Variants in NEXMIF observed in about 807,000 individuals in gnomAD.
NEXMIF encodes XLMR protein related to neurite extension.
NEXMIF carries 8 observed loss-of-function variants against 62.1 expected under a neutral mutation model. The observed-to-expected ratio is 0.13, with a 90% CI of 0.08 to 0.23. The LOEUF is 0.23. NEXMIF is among the 10% of genes least tolerant of loss of function. The probability of loss-of-function intolerance (pLI) is 1.00; values close to 1 mark genes in which losing one functional copy is unlikely to be tolerated. For synonymous variants in NEXMIF, 404 were observed against 416.6 expected (o/e 0.97, Z 0.37); for missense variants, 976 against 1,113.3 (o/e 0.88, Z 1.75).
chrX:74,838,568 T>C (rs1469599096), intron 1 of NEXMIF, among the ~76,000 whole-genome samples: 1 of 112,634 alleles, frequency 8.9e-6, no homozygotes, highest in Admixed American at 9.4e-5. Flanking sequence ...GGCTTTTCCT[T>C]GAATGAGTGC....
At chrX:74,753,715 GCACACACACACA>G (rs199783383) in intron 1 of NEXMIF, among the ~76,000 whole-genome samples, 2 of 100,186 alleles carry the variant, frequency 2.0e-5, no homozygotes, top group African/African-American at 7.3e-5. Context: ...ACACACACAC[GCACACACACACA>G]CACACACACA....
intron 1 of NEXMIF, among the ~76,000 whole-genome samples, chrX:74,881,475 G>T (rs2080663532): frequency 9.1e-6 from 1 of 109,722 alleles, no homozygotes; most frequent in Admixed American, 9.7e-5. Flanking sequence ...AATTCTCTGA[G>T]ACCCAGGCTT....
At chrX:74,873,120 C>T (rs1000940766) in intron 1 of NEXMIF, among the ~76,000 whole-genome samples, 1 of 110,344 alleles carries the variant, frequency 9.1e-6, no homozygotes, top group South Asian at 3.9e-4. Flanking sequence ...AGGTATATCT[C>T]CCAATGCTAT....
chrX:74,810,944 T>C (rs1236634742), intron 1 of NEXMIF, among the ~76,000 whole-genome samples: 1 of 111,860 alleles, frequency 8.9e-6, no homozygotes, highest in East Asian at 2.8e-4. Flanking sequence ...ATAGCTACTA[T>C]TCACTGAGTA....
intron 3 of NEXMIF, 173 bp downstream of exon 3, chrX:74,739,926 TA>T: frequency 4.4e-6 from 2 of 452,491 alleles, no homozygotes; most frequent in Non-Finnish European, 7.5e-6. Flanking sequence ...CTTAAAGGTA[TA>T]GGGATTTTCA....
chrX:74,883,021 TA>T (rs1359867473), intron 1 of NEXMIF, among the ~76,000 whole-genome samples: 1 of 111,700 alleles, frequency 9.0e-6, no homozygotes, highest in Non-Finnish European at 1.9e-5. Context: ...CCACTGCTGA[TA>T]CCTAGGCAAA....
At chrX:74,858,261 G>C (rs1210984804) in intron 1 of NEXMIF, among the ~76,000 whole-genome samples, 3 of 112,317 alleles carry the variant, frequency 2.7e-5, no homozygotes, top group Non-Finnish European at 5.6e-5. Context: ...TCCCAGTGGT[G>C]GTGGCCACAG....
At position 74,797,824 on chromosome X, in the gene NEXMIF, T is replaced by C. The variant is rs757906506; in HGVS notation, c.-47-52127A>G. Among the ~76,000 whole-genome samples, 8 of 111,923 alleles carry C rather than the reference T, an allele frequency of 7.1e-5. No individual in the cohort carries two copies. In the East Asian group the frequency reaches 2.2e-3, roughly 31 times the overall value. ...ACCAGCTGCTTTACCAAGCTCAACG[T>C]AGAATGTTCCATGTGAATTCCAATC... On this transcript the variant is annotated intron_variant, in intron 1 of 3. Transcript: ENST00000055682.
intron 1 of NEXMIF, among the ~76,000 whole-genome samples, chrX:74,770,811 TA>T (rs1264051030): frequency 8.9e-6 from 1 of 112,298 alleles, no homozygotes; most frequent in Non-Finnish European, 1.9e-5. Flanking sequence ...GGTCTTGTGG[TA>T]GTTTCTCAGC....
At position 74,740,276 on chromosome X, in the gene NEXMIF, AAAG is replaced by A. The variant is rs2147438794; in HGVS notation, c.4278_4280del (p.Phe1427del). 1 of 1,211,136 alleles carries A rather than the reference AAAG, an allele frequency of 8.3e-7. No individual in the cohort carries two copies. The highest frequency in any genetic ancestry group is 2.2e-5 in the Admixed American group (1 of 45,928). On this transcript the variant is annotated inframe_deletion, in exon 3 of 4. Coordinates refer to ENST00000055682, the MANE Select transcript of NEXMIF (RefSeq NM_001008537.3). ...TGCTCATGTTACTATACTTTTTATC[AAAG>A]AAGGTAGAGCGAGAGTCCTCGTTAT...
chrX:74,851,377 G>T (rs1033343487), intron 1 of NEXMIF, among the ~76,000 whole-genome samples: 2 of 111,292 alleles, frequency 1.8e-5, no homozygotes, highest in African/African-American at 6.5e-5. Context: ...GAAGCTCAGA[G>T]ATCTCCAAAT....
Position 74,872,402 on chromosome X carries a change from G to A in NEXMIF, c.-48+52481C>T, listed in dbSNP as rs376780152. On this transcript the variant is annotated intron_variant, in intron 1 of 3. Transcript: ENST00000055682. ...ATAATTTAACACATAGGGATAGACA[G>A]CAGAAGGATGGTTATCAGAGGATGT... 6.0e-5 allele frequency among the ~76,000 whole-genome samples: 6 copies of A among 100,371 alleles called. No individual in the cohort carries two copies. The East Asian group carries it at 1.3e-3, about 22-fold the overall frequency. The allele number at this position is 100,371 out of a possible 115,157, so 87.2% of individuals were successfully genotyped here. A position where few individuals can be genotyped will look rare whatever the true frequency, so the allele number is the denominator to read the frequency against.
In NEXMIF at chrX:74,739,298, G is replaced by A; in HGVS notation, c.*107C>T. The stretch of plus-strand genomic sequence containing the variant: ...CTTTTACATAGAACATGAGATTAAA[G>A]TTTGCTCCAAAGACGTATTCCCACA... On this transcript the variant is annotated 3_prime_UTR_variant, in exon 4 of 4. Coordinates refer to ENST00000055682, the MANE Select transcript of NEXMIF (RefSeq NM_001008537.3). 1 of 506,177 alleles carries A rather than the reference G, an allele frequency of 2.0e-6. No individual in the cohort carries two copies. 41.7% of individuals were successfully genotyped at this position (506,177 alleles called of 1,213,427 possible).
At chrX:74,787,104 CAAAAAAAAAA>C in intron 1 of NEXMIF, among the ~76,000 whole-genome samples, 1 of 31,749 alleles carries the variant, frequency 3.1e-5, no homozygotes, top group South Asian at 1.6e-3. Flanking sequence ...ACCAAAAATA[CAAAAAAAAAA>C]AAAAAAAAAA....
chrX:74,743,490 T>C lies in NEXMIF; in HGVS notation c.1067A>G (p.Lys356Arg). The change falls in exon 3 of 4, where the codon AAG becomes AGG. Residue 356 changes from lysine to arginine, a missense_variant. Physicochemically the swap from Lys to Arg is conservative, Grantham distance 26. Around this residue, in one of 5 missense-constraint regions of NEXMIF, gnomAD observed 639 missense variants for 694.5 expected, o/e 0.92. Coordinates refer to ENST00000055682, the MANE Select transcript of NEXMIF (RefSeq NM_001008537.3). ...GAATTGGGAAAAATCACTGCTCTGCTTCAGGGCCCCACTCTTAGACTCTCG... is the reference window on the plus strand; with the variant it reads ...GAATTGGGAAAAATCACTGCTCTGCCTCAGGGCCCCACTCTTAGACTCTCG... ...PKRESKSGAL[K>R]QSSDFSQFKV... is the part of the protein sequence containing the mutation. The C allele has an allele frequency of 8.3e-7, 1 of 1,211,827 alleles. No individual in the cohort carries two copies. The highest frequency in any genetic ancestry group is 1.1e-6 in the Non-Finnish European group (1 of 895,553).
chrX:74,901,760 T>A (rs1260398631), intron 1 of NEXMIF, among the ~76,000 whole-genome samples: 1 of 111,385 alleles, frequency 9.0e-6, no homozygotes, highest in Non-Finnish European at 1.9e-5. Flanking sequence ...TAGTAGGCAC[T>A]CCCTAAGTAC....
In NEXMIF at chrX:74,738,810, A is replaced by C. The variant is rs773611787; in HGVS notation, c.*595T>G. The C allele has an allele frequency of 9.2e-6, 1 of 108,950 alleles. No individual in the cohort carries two copies. Among genetic ancestry groups the C allele is most frequent in the Non-Finnish European group, 1.9e-5 (1 of 52,238 alleles). 9.0% of individuals were successfully genotyped at this position (108,950 alleles called of 1,213,427 possible). A position where few individuals can be genotyped will look rare whatever the true frequency, so the allele number is the denominator to read the frequency against. On this transcript the variant is annotated 3_prime_UTR_variant, in exon 4 of 4. Transcript: ENST00000055682. ...TTCCACACAGGACAGTAGAGTCTAA[A>C]ACTTTAAAAGAACGTGTGTGTGTGT...
chrX:74,861,103 CA>C (rs950194783), intron 1 of NEXMIF, among the ~76,000 whole-genome samples: 13 of 111,522 alleles, frequency 1.2e-4, no homozygotes, highest in Non-Finnish European at 2.5e-4. Context: ...GATGATAAAA[CA>C]TTATAAGAGC....
intron 1 of NEXMIF, among the ~76,000 whole-genome samples, chrX:74,841,985 T>C (rs1223580692): frequency 8.9e-6 from 1 of 111,941 alleles, no homozygotes; most frequent in Non-Finnish European, 1.9e-5. Flanking sequence ...AAGATGATGC[T>C]GGCCTCACAG....
Sources: gnomAD v4.1 joint callset for allele counts (sites outside exome capture counted in the v4.1 genomes callset) on GRCh38, gnomAD v4.1.1 for gene constraint, gnomAD v4.1.1 regional missense constraint, MANE v1.5 for transcripts, NCBI Gene and HGNC (gene_info 2026-07-23, HGNC 2026-07-21) for gene names.